FIP1L1: variants seen among roughly 807,000 people sequenced by gnomAD.
FIP1L1 encodes the protein factor interacting with PAPOLA and CPSF1, also known as pre-mRNA 3'-end-processing factor FIP1.
Under a neutral mutation model 84.6 loss-of-function variants are expected in FIP1L1, and 21 were observed. The observed-to-expected ratio is 0.25, with a 90% CI of 0.18 to 0.36. The LOEUF (loss-of-function observed/expected upper bound fraction) is 0.36, where lower values mean the gene tolerates loss of function less well. FIP1L1 is among the 10% of genes least tolerant of loss of function. FIP1L1 has a pLI of 1.00. For missense variants in FIP1L1, 526 were observed against 751.1 expected, an observed-to-expected ratio of 0.70 and a Z score of 3.50; for synonymous variants, 263 against 242.3, an observed-to-expected ratio of 1.09 and a Z score of -0.80.
At chr4:53,391,294 T>C in intron 8 of FIP1L1, 136 bp from the exon 9 acceptor site, 1 of 1,174,160 alleles carries the variant, frequency 8.5e-7, no homozygotes, top group Non-Finnish European at 1.2e-6. Flanking sequence ...TCCCTCCCTT[T>C]TAGAGTTTCG....
chr4:53,446,430 C>G (rs895908752), intron 15 of FIP1L1, among the ~76,000 whole-genome samples: 29 of 152,174 alleles, frequency 1.9e-4, no homozygotes, highest in Non-Finnish European at 4.1e-4. Flanking sequence ...CTCCAACAAG[C>G]TCCAAGTTCC....
Position 53,460,050 on chromosome 4 carries a change from GAAAT to G in FIP1L1, c.*606_*609del, listed in dbSNP as rs987588179. ...TATAAGGCATCTGGGTGGCCTCTAT[GAAAT>G]AAATTAATTAATTACCCATAGTGTA... is the stretch of plus-strand genomic sequence containing the variant. On this transcript the variant is annotated 3_prime_UTR_variant, in exon 18 of 18. Transcript: ENST00000337488. The G allele has an allele frequency of 1.9e-5, 2 of 103,886 alleles. No individual in the cohort carries two copies. The highest frequency in any genetic ancestry group is 4.3e-4 in the South Asian group (1 of 2,350). The allele number at this position is 103,886 out of a possible 1,614,324, so 6.4% of individuals were successfully genotyped here.
intron 12 of FIP1L1, among the ~76,000 whole-genome samples, chr4:53,427,539 G>A (rs1400538357): frequency 5.3e-5 from 8 of 152,178 alleles, no homozygotes; most frequent in Admixed American, 3.9e-4. Context: ...GTTGACACAT[G>A]CCTGACAGTT....
At chr4:53,399,157 C>T (rs1175240804) in intron 9 of FIP1L1, among the ~76,000 whole-genome samples, 1 of 152,066 alleles carries the variant, frequency 6.6e-6, no homozygotes, top group Non-Finnish European at 1.5e-5. Flanking sequence ...GGTATTAAGA[C>T]AGATGATTAA....
chr4:53,381,607 A>G (rs1737915818), intron 3 of FIP1L1, among the ~76,000 whole-genome samples: 1 of 152,206 alleles, frequency 6.6e-6, no homozygotes, highest in Non-Finnish European at 1.5e-5. Context: ...TGATTGTGCT[A>G]TAAAATGCCA....
At chr4:53,402,995 A>C (rs1751081367) in intron 10 of FIP1L1, among the ~76,000 whole-genome samples, 1 of 152,168 alleles carries the variant, frequency 6.6e-6, no homozygotes, top group Non-Finnish European at 1.5e-5. Flanking sequence ...GCAAAATAAT[A>C]TGCACACTTA....
intron 10 of FIP1L1, among the ~76,000 whole-genome samples, chr4:53,414,077 G>C (rs528471496): frequency 3.9e-5 from 6 of 152,200 alleles, no homozygotes; most frequent in African/African-American, 1.4e-4. Context: ...TATGTCAACA[G>C]GGATAAAATT....
chr4:53,446,419 TCTCCAACAAG>T (rs759259179), intron 15 of FIP1L1, among the ~76,000 whole-genome samples: 3 of 152,144 alleles, frequency 2.0e-5, no homozygotes, highest in African/African-American at 4.8e-5. Flanking sequence ...ATCACCCTAA[TCTCCAACAAG>T]CTCCAAGTTC....
At chr4:53,425,001 C>G (rs1362351134) in intron 11 of FIP1L1, among the ~76,000 whole-genome samples, 3 of 152,110 alleles carry the variant, frequency 2.0e-5, no homozygotes, top group African/African-American at 7.2e-5. Context: ...AATCTAGTGA[C>G]TGTGGAAGGA....
intron 2 of FIP1L1, 46 bp from the exon 3 acceptor site, chr4:53,379,179 T>C: frequency 1.2e-6 from 2 of 1,606,632 alleles, no homozygotes; most frequent in Non-Finnish European, 1.7e-6. Context: ...GAGTGGTTTC[T>C]TTATTTTGTT....
chr4:53,429,185 C>T (rs1765527015), intron 13 of FIP1L1, among the ~76,000 whole-genome samples: 1 of 152,152 alleles, frequency 6.6e-6, no homozygotes, highest in Non-Finnish European at 1.5e-5. Context: ...CTTCCACTGT[C>T]ACCTCTACTC....
At chr4:53,394,867 G>T (rs1746395409) in intron 9 of FIP1L1, among the ~76,000 whole-genome samples, 1 of 151,844 alleles carries the variant, frequency 6.6e-6, no homozygotes, top group African/African-American at 2.4e-5. Flanking sequence ...TACTTAACAA[G>T]GGTTTTTTTT....
chr4:53,409,041 A>T (rs968059912), intron 10 of FIP1L1, among the ~76,000 whole-genome samples: 3 of 152,278 alleles, frequency 2.0e-5, no homozygotes, highest in African/African-American at 7.2e-5. Flanking sequence ...CTTGTGAGGA[A>T]CTGCGTTCCT....
intron 13 of FIP1L1, among the ~76,000 whole-genome samples, chr4:53,430,127 A>G (rs1229779994): frequency 6.6e-6 from 1 of 152,156 alleles, no homozygotes; most frequent in Non-Finnish European, 1.5e-5. Flanking sequence ...TTCCTTATTT[A>G]CAAATATAGT....
chr4:53,427,880 T>TAGA (rs1764981736), intron 12 of FIP1L1, 147 bp from the exon 13 acceptor site: 1 of 620,430 alleles, frequency 1.6e-6, no homozygotes, highest in African/African-American at 1.8e-5. Context: ...ATCACACATG[T>TAGA]AGAACTATTA....
At chr4:53,408,036 T>C (rs935014723) in intron 10 of FIP1L1, among the ~76,000 whole-genome samples, 1 of 152,216 alleles carries the variant, frequency 6.6e-6, no homozygotes, top group African/African-American at 2.4e-5. Flanking sequence ...ATCCTGTCAT[T>C]ATGATGTTAG....
intron 11 of FIP1L1, among the ~76,000 whole-genome samples, chr4:53,417,660 A>AG (rs1272473553): frequency 6.7e-6 from 1 of 150,288 alleles, no homozygotes; most frequent in Non-Finnish European, 1.5e-5. Flanking sequence ...AAAAAAAAAA[A>AG]AAAAAAGAAA....
chr4:53,414,826 C>G (rs2149765374), intron 11 of FIP1L1, 104 bp downstream of exon 11: 3 of 733,772 alleles, frequency 4.1e-6, no homozygotes, highest in Non-Finnish European at 4.5e-6. Context: ...ATATTTTTAC[C>G]CTCCAACTTA....
intron 14 of FIP1L1, 83 bp downstream of exon 14, chr4:53,442,790 T>C: frequency 1.3e-6 from 1 of 783,766 alleles, no homozygotes; most frequent in Non-Finnish European, 2.1e-6. Context: ...TTTCAGATAT[T>C]TAATTTTATA....
Sources: allele counts gnomAD v4.1 joint callset (sites outside exome capture counted in the v4.1 genomes callset), GRCh38; gene constraint gnomAD v4.1.1; transcripts MANE v1.5; gene names NCBI Gene and HGNC (gene_info 2026-07-23, HGNC 2026-07-21).